Variants in C4orf51 observed in about 807,000 individuals in gnomAD.
The protein encoded by C4orf51 is chromosome 4 open reading frame 51, also known as uncharacterized protein C4orf51.
A neutral mutation model predicts 25.2 loss-of-function variants in C4orf51; 25 were observed. That is an observed-to-expected ratio of 0.99 (90% CI 0.72 to 1.39). The LOEUF (loss-of-function observed/expected upper bound fraction) is 1.39, where lower values mean the gene tolerates loss of function less well. Among genes scored for constraint, C4orf51 ranks in the 40% most tolerant of loss-of-function variants. The pLI, the probability that C4orf51 is intolerant of heterozygous loss-of-function variation, is 0.00. For synonymous variants in C4orf51, 100 were observed against 84.5 expected (o/e 1.18, Z -1.01); for missense variants, 252 against 239.6 (o/e 1.05, Z -0.34).
intron 2 of C4orf51, among the ~76,000 whole-genome samples, chr4:145,720,046 T>C (rs1362015840): frequency 6.6e-6 from 1 of 152,162 alleles, no homozygotes; most frequent in African/African-American, 2.4e-5. Flanking sequence ...TGTTCTGTGG[T>C]TGGATCATTT....
rs372252292 is a variant in C4orf51, at chr4:145,765,207, G to A, written n.167-5781G>A. Reference sequence around the variant, plus strand: ...TGGGTATAGAGGTGCACAGGGCAGCGGGGAGAGGAGGGCAGGAGTGGAGCC... The same window carrying A: ...TGGGTATAGAGGTGCACAGGGCAGCAGGGAGAGGAGGGCAGGAGTGGAGCC... On this transcript the variant is annotated intron_variant and non_coding_transcript_variant, in intron 1 of 1. Transcript: ENST00000510096. The surrounding 1 kb of genome is among the most constrained non-coding windows in gnomAD (Gnocchi z 4.7). 4.0e-4 allele frequency: 616 copies of A among 1,538,734 alleles called. No individual in the cohort carries two copies. Among genetic ancestry groups the A allele is most frequent in the Middle Eastern group, 3.5e-3 (17 of 4,812 alleles).
chr4:145,720,848 C>G (rs1170770851), intron 2 of C4orf51, among the ~76,000 whole-genome samples: 1 of 152,140 alleles, frequency 6.6e-6, no homozygotes, highest in Non-Finnish European at 1.5e-5. Flanking sequence ...CTCTCACCCT[C>G]CTTCCCCATT....
chr4:145,772,088 A>G (rs141222878), downstream of C4orf51, among the ~76,000 whole-genome samples: 1 of 152,312 alleles, frequency 6.6e-6, no homozygotes, highest in East Asian at 1.9e-4. Flanking sequence ...TTCCACATAG[A>G]TTACAGAAAT....
intron 2 of C4orf51, among the ~76,000 whole-genome samples, chr4:145,715,404 A>G (rs1731354539): frequency 1.3e-5 from 2 of 152,130 alleles, no homozygotes; most frequent in Non-Finnish European, 2.9e-5. Flanking sequence ...GCACAGCTAG[A>G]GGAGCCAGGC....
chr4:145,755,715 A>C (rs1207126025), downstream of C4orf51, among the ~76,000 whole-genome samples: 2 of 152,258 alleles, frequency 1.3e-5, no homozygotes, highest in East Asian at 3.8e-4. Flanking sequence ...CCTGTTTTAC[A>C]GGCATTTGCC....
chr4:145,779,359 G>GCCCT, the C4orf51 span: 15 of 1,613,192 alleles, frequency 9.3e-6, no homozygotes, highest in South Asian at 1.6e-4. Context: ...GACAGCCCAG[G>GCCCT]CCCTACTCAC....
rs1429294177 is a variant in C4orf51, at chr4:145,693,120, G to A, written c.234-3439G>A. Among the ~76,000 whole-genome samples the A allele has an allele frequency of 6.1e-5, 9 of 146,514 alleles. 1 individual carries two copies. The East Asian group carries it at 1.2e-3, about 19-fold the overall frequency. ...GGTCATGGGACAATAGTGGAGGGAA[G>A]GTCAGCAGATAAACAAGTGAACAAA... On this transcript the variant is annotated intron_variant, in intron 1 of 5. Coordinates refer to ENST00000438731, the MANE Select transcript of C4orf51 (RefSeq NM_001080531.3).
At chr4:145,784,915 C>G in the C4orf51 span, among the ~76,000 whole-genome samples, 5 of 152,160 alleles carry the variant, frequency 3.3e-5, no homozygotes, top group Non-Finnish European at 5.9e-5. Context: ...TCATTTCACA[C>G]TCTTATATTC....
rs934234157 is a variant in C4orf51, at chr4:145,726,953, A to C, written c.350A>C (p.Asp117Ala). ...ACCAGGCCCTTTAAAAAGTCATTTG[A>C]TGTCAAGCATGGAGTGGTAAGCCCA... ...DITRPFKKSF[D>A]VKHGVAHQIW... The change falls in exon 3 of 6, where the codon GAT becomes GCT. Residue 117 changes from aspartate to alanine, a missense_variant. Coordinates refer to ENST00000438731, the MANE Select transcript of C4orf51 (RefSeq NM_001080531.3). 6.2e-7 allele frequency: 1 copy of C among 1,613,494 alleles called. No individual in the cohort carries two copies.
In C4orf51 at chr4:145,761,561, C is replaced by A; in HGVS notation, n.167-9427C>A. On this transcript the variant is annotated intron_variant and non_coding_transcript_variant, in intron 1 of 1. Coordinates refer to the C4orf51 transcript ENST00000510096. This position sits in a 1 kb window ranked among gnomAD's most constrained non-coding sequence, Gnocchi z 6.8. ...TGGGTCTTGAGGTGGCACTCCATGG[C>A]AGCGGGGCGGTTGGTGGAATAAATG... 8 of 1,277,978 alleles carry A rather than the reference C, an allele frequency of 6.3e-6. No homozygotes were observed. Among genetic ancestry groups the A allele is most frequent in the Non-Finnish European group, 8.2e-6 (8 of 980,190 alleles). The allele number at this position is 1,277,978 out of a possible 1,614,324, so 79.2% of individuals were successfully genotyped here.
Position 145,761,590 on chromosome 4 carries a change from A to T in C4orf51, n.167-9398A>T. On this transcript the variant is annotated intron_variant and non_coding_transcript_variant, in intron 1 of 1. Transcript: ENST00000510096. The surrounding 1 kb of genome is among the most constrained non-coding windows in gnomAD (Gnocchi z 6.8). ...GGGGCGGTTGGTGGAATAAATGCAG[A>T]ATGGGCACCTGCCGGGGAAAGCAAC... The T allele has an allele frequency of 5.5e-6, 7 of 1,262,192 alleles. No individual in the cohort carries two copies. Among genetic ancestry groups the T allele is most frequent in the African/African-American group, 1.5e-5 (1 of 65,560 alleles). The allele number at this position is 1,262,192 out of a possible 1,614,324, so 78.2% of individuals were successfully genotyped here.
At chr4:145,756,751 G>A (rs964158793), downstream of C4orf51, among the ~76,000 whole-genome samples, 8 of 152,064 alleles carry the variant, frequency 5.3e-5, no homozygotes, top group South Asian at 2.1e-4. Context: ...TCAAATTAAC[G>A]TATTTGACTC....
In C4orf51 at chr4:145,742,820, G is replaced by A. The variant is rs777420678; in HGVS notation, n.167+10201G>A. ...CTCCCAAAGTGCTGGGATTGTAGGC[G>A]TGAGCCACCACGCCCAGCCAGAGCA... On this transcript the variant is annotated intron_variant and non_coding_transcript_variant, in intron 1 of 1. Transcript: ENST00000508981. Among the ~76,000 whole-genome samples the A allele has an allele frequency of 5.9e-5, 9 of 152,268 alleles. No individual in the cohort carries two copies. The East Asian group carries it at 7.7e-4, about 13-fold the overall frequency.
At chr4:145,782,634 T>C in the C4orf51 span, among the ~76,000 whole-genome samples, 1 of 152,182 alleles carries the variant, frequency 6.6e-6, no homozygotes, top group Non-Finnish European at 1.5e-5. Flanking sequence ...CCAACAGCCC[T>C]TCCTCACCTC....
At chr4:145,684,873 G>A (rs1000093514) in intron 1 of C4orf51, among the ~76,000 whole-genome samples, 11 of 152,138 alleles carry the variant, frequency 7.2e-5, no homozygotes, top group African/African-American at 2.7e-4. Context: ...GGGTTAAGGA[G>A]AGACATTTTC....
chr4:145,694,014 C>T (rs1346521659), intron 1 of C4orf51, among the ~76,000 whole-genome samples: 1 of 135,088 alleles, frequency 7.4e-6, no homozygotes, highest in Admixed American at 7.2e-5. Context: ...GGAGGGGCTC[C>T]TCACTTCTCA....
chr4:145,689,425 G>A (rs1729392350), intron 1 of C4orf51, among the ~76,000 whole-genome samples: 1 of 151,800 alleles, frequency 6.6e-6, no homozygotes, highest in South Asian at 2.1e-4. Context: ...ATACATATAT[G>A]TGTATATATA....
At chr4:145,700,913 C>T (rs1487409421) in intron 2 of C4orf51, among the ~76,000 whole-genome samples, 1 of 152,140 alleles carries the variant, frequency 6.6e-6, no homozygotes, top group Non-Finnish European at 1.5e-5. Flanking sequence ...ACTAGCCCTC[C>T]CCCACCTGCC....
At chr4:145,747,143 A>T (rs935686950) in intron 1 of C4orf51, among the ~76,000 whole-genome samples, 5 of 152,120 alleles carry the variant, frequency 3.3e-5, no homozygotes, top group African/African-American at 1.2e-4. Flanking sequence ...ATCATCTGCA[A>T]ACAAGGATAA....
Sources: allele counts gnomAD v4.1 joint callset (sites outside exome capture counted in the v4.1 genomes callset), GRCh38; gene constraint gnomAD v4.1.1; non-coding constraint Gnocchi (gnomAD v3.1); transcripts MANE v1.5; gene names NCBI Gene and HGNC (gene_info 2026-07-23, HGNC 2026-07-21).